Variants in VPS13C observed in about 807,000 individuals in gnomAD.
VPS13C encodes vacuolar protein sorting 13 homolog C.
A neutral mutation model predicts 456.8 loss-of-function variants in VPS13C; 358 were observed. That is an observed-to-expected ratio of 0.78 (90% CI 0.72 to 0.86). VPS13C has a LOEUF of 0.86. VPS13C is among the 40% of genes least tolerant of loss of function. The probability of loss-of-function intolerance (pLI) is 0.00; values close to 1 mark genes in which losing one functional copy is unlikely to be tolerated. For synonymous variants in VPS13C, 1,578 were observed against 1,486.7 expected, an observed-to-expected ratio of 1.06 and a Z score of -1.41; for missense variants, 4,818 against 4,385.4, an observed-to-expected ratio of 1.10 and a Z score of -2.79.
At position 61,867,958 on chromosome 15, in the gene VPS13C, A is replaced by C. The variant is rs1411427875; in HGVS notation, c.10863+701T>G. 2 of 1,525,632 alleles carry C rather than the reference A, an allele frequency of 1.3e-6. No individual in the cohort carries two copies. The highest frequency in any genetic ancestry group is 1.8e-6 in the Non-Finnish European group (2 of 1,102,118). The allele number at this position is 1,525,632 out of a possible 1,614,324, so 94.5% of individuals were successfully genotyped here. ...TATTTCCAGTTCTTGCTGTGCAGGC[A>C]GAAAAACAAAGAAAATAAAGTTAGA... On this transcript the variant is annotated intron_variant, in intron 81 of 84. Transcript: ENST00000644861. The surrounding 1 kb of genome is among the most constrained non-coding windows in gnomAD (Gnocchi z 5.0).
At chr15:61,872,096 C>T (rs1440432844) in intron 78 of VPS13C, 62 bp from the exon 79 acceptor site, 1 of 1,389,900 alleles carries the variant, frequency 7.2e-7, no homozygotes, top group African/African-American at 1.4e-5. Flanking sequence ...TTAAACCAAC[C>T]ACTAGAGGTC....
intron 66 of VPS13C, among the ~76,000 whole-genome samples, chr15:61,891,284 C>T (rs1252325893): frequency 1.3e-5 from 2 of 151,816 alleles, no homozygotes; most frequent in Non-Finnish European, 2.9e-5. Context: ...GTACGAGTAC[C>T]TACTATGTAC....
chr15:61,981,149 A>G (rs2045873855), intron 22 of VPS13C, among the ~76,000 whole-genome samples, 193 bp downstream of exon 22: 1 of 152,204 alleles, frequency 6.6e-6, no homozygotes, highest in Non-Finnish European at 1.5e-5. Flanking sequence ...ACCACTACAG[A>G]AAATTTGGAG....
At position 61,991,056 on chromosome 15, in the gene VPS13C, G is replaced by T; in HGVS notation, c.1522C>A (p.Leu508Ile). Reference protein sequence around the residue: ...DLMTPEEKDKLFTAIGYSEST... With the variant: ...DLMTPEEKDKIFTAIGYSEST... ...TCACTATAACCAATGGCAGTGAAGA[G>T]TTTATCTTTTTCCTCTGGAGTCATA... Residue 508 changes from leucine to isoleucine, a missense_variant, in exon 18 of 85, where the codon CTC (leucine) becomes ATC (isoleucine). Leu to Ile is a conservative substitution (Grantham distance 5). This residue lies in a region of VPS13C where 4,552 missense variants were observed against 4,130.6 expected (regional missense o/e 1.10). Transcript: ENST00000644861. 6.2e-7 allele frequency: 1 copy of T among 1,612,400 alleles called. No homozygotes were observed. Among genetic ancestry groups the T allele is most frequent in the South Asian group, 1.1e-5 (1 of 90,678 alleles).
At chr15:61,883,468 G>C (rs1896029679) in intron 68 of VPS13C, among the ~76,000 whole-genome samples, 1 of 152,082 alleles carries the variant, frequency 6.6e-6, no homozygotes, top group African/African-American at 2.4e-5. Context: ...AATGTAACTG[G>C]TGACAGTGCT....
chr15:62,000,750 T>A, intron 15 of VPS13C, 124 bp from the exon 16 acceptor site: 1 of 682,784 alleles, frequency 1.5e-6, no homozygotes, highest in South Asian at 2.8e-5. Flanking sequence ...AAAGTATTAG[T>A]ATAAATTTGA....
rs72749746 is a variant in VPS13C at position 62,010,220 on chromosome 15, G to A, written c.1011+252C>T. On this transcript the variant is annotated intron_variant, in intron 13 of 84. Transcript: ENST00000644861. Reference sequence around the variant, plus strand: ...AAAAAAATCTTCCATCAACAATTGTGAGTCAAATGGAAATAATGTCATTCC... The same window carrying A: ...AAAAAAATCTTCCATCAACAATTGTAAGTCAAATGGAAATAATGTCATTCC... Among the ~76,000 whole-genome samples, 630 of 152,056 alleles carry A rather than the reference G, an allele frequency of 4.1e-3. 1 individual carries two copies. The highest frequency in any genetic ancestry group is 0.01 in the Middle Eastern group (3 of 294).
At chr15:62,001,124 A>G (rs574579210) in intron 15 of VPS13C, among the ~76,000 whole-genome samples, 1 of 152,240 alleles carries the variant, frequency 6.6e-6, no homozygotes, top group Non-Finnish European at 1.5e-5. Context: ...GGAATCCAAC[A>G]TTAACCAGGT....
intron 37 of VPS13C, among the ~76,000 whole-genome samples, chr15:61,955,954 C>A (rs1360107164): frequency 6.6e-6 from 1 of 152,076 alleles, no homozygotes; most frequent in African/African-American, 2.4e-5. Context: ...CTACCTTTGA[C>A]CCAGCACTCC....
chr15:61,911,872 T>C lies in VPS13C; in HGVS notation c.8683A>G (p.Thr2895Ala), dbSNP rs1298841241. The part of the protein sequence containing the change: ...GEIASDGSMP[T>A]NKWNYIASSE... ...GAAGCAATATAGTTCCATTTATTAG[T>C]TGGCATTGAGCCATCAGATGCAATC... Residue 2895 changes from threonine to alanine, a missense_variant, in exon 63 of 85, where the codon ACT becomes GCT. This residue lies in a region of VPS13C where 4,552 missense variants were observed against 4,130.6 expected (regional missense o/e 1.10). Coordinates refer to ENST00000644861, the MANE Select transcript of VPS13C (RefSeq NM_020821.3). The C allele has an allele frequency of 1.9e-6, 3 of 1,611,682 alleles. No homozygotes were observed. The highest frequency in any genetic ancestry group is 3.3e-4 in the Middle Eastern group (2 of 6,044).
intron 16 of VPS13C, among the ~76,000 whole-genome samples, chr15:62,000,196 T>C (rs1428615540): frequency 2.0e-5 from 3 of 152,004 alleles, no homozygotes; most frequent in Admixed American, 6.6e-5. Flanking sequence ...AACCCATCTC[T>C]ACTAAAACTA....
Position 61,972,700 on chromosome 15 carries a change from TC to T in VPS13C, c.2681del (p.Gly894AspfsTer27). On this transcript the variant is annotated frameshift_variant, in exon 27 of 85. Transcript: ENST00000644861. LOFTEE classifies it high-confidence loss of function. ...GEPQTCKSMK[G>X]SELKKAAEVP... ...CCTCTGCAGCTTTTTTAAGTTCTGA[TC>T]CTTTCATACTTTTACAAGTCTGTGG... 1 of 1,613,522 alleles carries T rather than the reference TC, an allele frequency of 6.2e-7. No individual in the cohort carries two copies. The highest frequency in any genetic ancestry group is 1.1e-5 in the South Asian group (1 of 91,058).
intron 63 of VPS13C, among the ~76,000 whole-genome samples, chr15:61,911,553 C>T (rs2043302015): frequency 6.6e-6 from 1 of 152,090 alleles, no homozygotes; most frequent in African/African-American, 2.4e-5. Context: ...TATGGAGACA[C>T]CACACAGTAC....
intron 60 of VPS13C, 136 bp downstream of exon 60, chr15:61,917,205 A>G (rs1161905629): frequency 6.6e-6 from 6 of 914,098 alleles, no homozygotes; most frequent in Non-Finnish European, 8.1e-6. Context: ...AGTTTTTGCT[A>G]TCATTAACAT....
In VPS13C at chr15:61,868,074, G is replaced by GA. The variant is rs148942108; in HGVS notation, c.10863+584dup. ...GGCATTTTATTTTAAAGTCAAGGTA[G>GA]AAAAATATTAATACATTTCTTTTGG... On this transcript the variant is annotated intron_variant, in intron 81 of 84. Transcript: ENST00000644861. 4.6e-3 allele frequency: 3,074 copies of GA among 673,536 alleles called. 15 individuals carry two copies. Among genetic ancestry groups the GA allele is most frequent in the Non-Finnish European group, 6.3e-3 (2,450 of 391,178 alleles). The allele number at this position is 673,536 out of a possible 1,614,324, so 41.7% of individuals were successfully genotyped here.
chr15:61,894,129 A>T (rs2042732612), intron 66 of VPS13C, among the ~76,000 whole-genome samples: 1 of 152,082 alleles, frequency 6.6e-6, no homozygotes, highest in African/African-American at 2.4e-5. Flanking sequence ...AACATGGTGA[A>T]ACCCCATCTC....
At chr15:61,960,773 T>G (rs2045169314) in intron 35 of VPS13C, among the ~76,000 whole-genome samples, 2 of 152,286 alleles carry the variant, frequency 1.3e-5, no homozygotes, top group African/African-American at 4.8e-5. Context: ...AAACAAAAGT[T>G]GATTAAAAAA....
chr15:61,889,196 A>G (rs1388565429), intron 67 of VPS13C, among the ~76,000 whole-genome samples: 1 of 152,114 alleles, frequency 6.6e-6, no homozygotes, highest in Admixed American at 6.5e-5. Context: ...ATTAAAGTAA[A>G]AAGTTTTATA....
intron 6 of VPS13C, among the ~76,000 whole-genome samples, chr15:62,024,215 T>C (rs915752587): frequency 1.3e-5 from 2 of 151,996 alleles, no homozygotes; most frequent in African/African-American, 4.8e-5. Flanking sequence ...ATATAAAACT[T>C]TCAGAAGAAG....
Sources: gnomAD v4.1 joint callset for allele counts (sites outside exome capture counted in the v4.1 genomes callset) on GRCh38, gnomAD v4.1.1 for gene constraint, gnomAD v4.1.1 regional missense constraint, Gnocchi (gnomAD v3.1) non-coding constraint, MANE v1.5 for transcripts, NCBI Gene and HGNC (gene_info 2026-07-23, HGNC 2026-07-21) for gene names.